The following GLRA2 variants were observed in gnomAD, a reference collection of about 807,000 sequenced individuals.
GLRA2 encodes glycine receptor subunit alpha-2.
Under a neutral mutation model 31.6 loss-of-function variants are expected in GLRA2, and 11 were observed. The observed-to-expected ratio is 0.35, with a 90% CI of 0.22 to 0.58. GLRA2 has a LOEUF of 0.58. GLRA2 is among the 20% of genes least tolerant of loss of function. GLRA2 has a pLI of 0.84. For missense variants in GLRA2, 212 were observed against 351.8 expected, an observed-to-expected ratio of 0.60 and a Z score of 3.18; for synonymous variants, 132 against 134.0, an observed-to-expected ratio of 0.99 and a Z score of 0.10.
chrX:14,513,580 C>T, the GLRA2 span, among the ~76,000 whole-genome samples: 1 of 111,259 alleles, frequency 9.0e-6, no homozygotes, highest in African/African-American at 3.3e-5. Context: ...AAAAACCGAA[C>T]AATCCCATCA....
chrX:14,546,138 A>G (rs1030365744), intron 2 of GLRA2, among the ~76,000 whole-genome samples: 4 of 111,599 alleles, frequency 3.6e-5, no homozygotes, highest in African/African-American at 1.3e-4. Context: ...TTCATTTCCT[A>G]GAATCCGTGC....
the GLRA2 span, among the ~76,000 whole-genome samples, chrX:14,506,558 C>T: frequency 2.7e-5 from 3 of 111,878 alleles, no homozygotes; most frequent in Admixed American, 9.5e-5. Flanking sequence ...CAAGCTAATT[C>T]CCCGGCCAAA....
chrX:14,565,264 G>T (rs771059072), intron 2 of GLRA2, among the ~76,000 whole-genome samples: 1 of 111,749 alleles, frequency 8.9e-6, no homozygotes, highest in East Asian at 2.8e-4. Context: ...TAGGCTAACA[G>T]CAGAAGAATT....
the GLRA2 span, among the ~76,000 whole-genome samples, chrX:14,487,361 A>T: frequency 9.8e-6 from 1 of 101,715 alleles, no homozygotes; most frequent in African/African-American, 3.6e-5. Flanking sequence ...CTTTTTAATA[A>T]AAGCCAGTAA....
chrX:14,556,419 T>C (rs1421639994), intron 2 of GLRA2, among the ~76,000 whole-genome samples: 3 of 112,011 alleles, frequency 2.7e-5, no homozygotes, highest in Non-Finnish European at 5.6e-5. Flanking sequence ...GCATTCAAAA[T>C]CATTTTCTTC....
intron 7 of GLRA2, among the ~76,000 whole-genome samples, chrX:14,624,924 T>G (rs2090570182): frequency 9.0e-6 from 1 of 111,344 alleles, no homozygotes; most frequent in African/African-American, 3.3e-5. Flanking sequence ...TCTTTCTCGT[T>G]GATCTGTCTA....
At chrX:14,565,803 C>T (rs2089797527) in intron 2 of GLRA2, among the ~76,000 whole-genome samples, 1 of 110,890 alleles carries the variant, frequency 9.0e-6, no homozygotes, top group South Asian at 3.8e-4. Flanking sequence ...CACAACGTAC[C>T]AAAACTTATG....
Position 14,622,659 on chromosome X carries a change from G to A in GLRA2, c.930+13454G>A, listed in dbSNP as rs145756631. Among the ~76,000 whole-genome samples the A allele has an allele frequency of 5.1e-3, 565 of 111,714 alleles. 1 individual carries two copies. Among genetic ancestry groups the A allele is most frequent in the Non-Finnish European group, 7.9e-3 (422 of 53,098 alleles). On this transcript the variant is annotated intron_variant, in intron 7 of 8. Coordinates refer to ENST00000218075, the MANE Select transcript of GLRA2 (RefSeq NM_002063.4). ...CGTTAGGTTTGTCAAAGATCAGATG[G>A]TTATAGATGTGTGGTATTATTTCTG...
chrX:14,488,978 T>C, the GLRA2 span, among the ~76,000 whole-genome samples: 1 of 111,873 alleles, frequency 8.9e-6, no homozygotes, highest in Non-Finnish European at 1.9e-5. Context: ...GCCTGTGTAT[T>C]GTGGACACTT....
At chrX:14,450,852 AG>A in the GLRA2 span, among the ~76,000 whole-genome samples, 19 of 111,547 alleles carry the variant, frequency 1.7e-4, no homozygotes, top group African/African-American at 5.9e-4. Context: ...CTATAATTAC[AG>A]GTGCACACCA....
At chrX:14,719,335 G>A (rs1463897126) in intron 8 of GLRA2, among the ~76,000 whole-genome samples, 1 of 111,244 alleles carries the variant, frequency 9.0e-6, no homozygotes, top group Non-Finnish European at 1.9e-5. Flanking sequence ...AATATACAAG[G>A]AGCTCAAACA....
chrX:14,632,765 C>T (rs776296008), intron 7 of GLRA2, among the ~76,000 whole-genome samples: 5 of 111,372 alleles, frequency 4.5e-5, no homozygotes, highest in African/African-American at 1.6e-4. Context: ...ATACTTAACG[C>T]CATGGATGCT....
the GLRA2 span, among the ~76,000 whole-genome samples, chrX:14,518,958 G>A: frequency 3.1e-5 from 3 of 98,164 alleles, no homozygotes. Flanking sequence ...CTTGAAGTGA[G>A]TCGAGATTGC....
chrX:14,498,677 G>A, the GLRA2 span, among the ~76,000 whole-genome samples: 2 of 109,979 alleles, frequency 1.8e-5, no homozygotes, highest in African/African-American at 3.3e-5. Context: ...AACTATAGCC[G>A]CCCTACTGAT....
intron 8 of GLRA2, among the ~76,000 whole-genome samples, chrX:14,694,649 A>T (rs2091414321): frequency 8.9e-6 from 1 of 111,973 alleles, no homozygotes; most frequent in Non-Finnish European, 1.9e-5. Context: ...AGAATGAAGG[A>T]AAGTGGTTAG....
the GLRA2 span, among the ~76,000 whole-genome samples, chrX:14,467,810 T>TA: frequency 6.4e-5 from 7 of 109,868 alleles, no homozygotes; most frequent in Non-Finnish European, 3.8e-5. Flanking sequence ...TGAAGTGTGA[T>TA]ATAAATGGCC....
At chrX:14,648,783 A>T (rs2090858748) in intron 7 of GLRA2, among the ~76,000 whole-genome samples, 1 of 112,117 alleles carries the variant, frequency 8.9e-6, no homozygotes, top group Non-Finnish European at 1.9e-5. Flanking sequence ...AAATCATGAG[A>T]TATCATTATA....
chrX:14,473,543 T>A, the GLRA2 span, among the ~76,000 whole-genome samples: 101 of 112,393 alleles, frequency 9.0e-4, no homozygotes, highest in Non-Finnish European at 1.8e-3. Flanking sequence ...GACATCAGCA[T>A]TGCTGATTGC....
intron 7 of GLRA2, among the ~76,000 whole-genome samples, chrX:14,650,584 G>A (rs1314768892): frequency 9.0e-6 from 1 of 110,885 alleles, no homozygotes; most frequent in Non-Finnish European, 1.9e-5. Context: ...TCTACCCATT[G>A]AGAAATTCTA....
Sources: gnomAD v4.1 joint callset for allele counts (sites outside exome capture counted in the v4.1 genomes callset) on GRCh38, gnomAD v4.1.1 for gene constraint, MANE v1.5 for transcripts, NCBI Gene and HGNC (gene_info 2026-07-23, HGNC 2026-07-21) for gene names.